Variants in SGCD observed in about 807,000 individuals in gnomAD.
SGCD encodes the protein sarcoglycan delta.
In SGCD, 18 loss-of-function variants were observed where a neutral mutation model predicts 36.6. The observed-to-expected ratio is 0.49, with a 90% CI of 0.34 to 0.73. The LOEUF (loss-of-function observed/expected upper bound fraction) is 0.73. SGCD is among the 30% of genes least tolerant of loss of function. The probability of loss-of-function intolerance (pLI) is 0.01; values close to 1 mark genes in which losing one functional copy is unlikely to be tolerated. For synonymous variants in SGCD, 133 were observed against 130.6 expected, an observed-to-expected ratio of 1.02 and a Z score of -0.12; for missense variants, 387 against 346.7, an observed-to-expected ratio of 1.12 and a Z score of -0.92.
chr5:156,685,776 G>C (rs967447049), intron 7 of SGCD, among the ~76,000 whole-genome samples: 3 of 152,192 alleles, frequency 2.0e-5, no homozygotes, highest in Non-Finnish European at 4.4e-5. Context: ...GTGAAGTCAA[G>C]CTGGGCTGAT....
intron 4 of SGCD, among the ~76,000 whole-genome samples, chr5:156,561,777 T>G (rs368600021): frequency 6.6e-6 from 1 of 152,200 alleles, no homozygotes; most frequent in South Asian, 2.1e-4. Context: ...TGTTTTAATG[T>G]GGTCTTATGG....
intron 3 of SGCD, among the ~76,000 whole-genome samples, chr5:156,230,186 G>T: frequency 6.6e-6 from 1 of 152,112 alleles, no homozygotes; most frequent in Non-Finnish European, 1.5e-5. Flanking sequence ...GAGTAAATCA[G>T]GGGTTTCTTC....
At chr5:156,340,845 C>T (rs1768612874) in intron 2 of SGCD, among the ~76,000 whole-genome samples, 1 of 152,188 alleles carries the variant, frequency 6.6e-6, no homozygotes, top group African/African-American at 2.4e-5. Flanking sequence ...TATCTTTCAA[C>T]ATGTTTTAAT....
chr5:155,771,588 A>ATTTTTT, the SGCD span, among the ~76,000 whole-genome samples: 1 of 150,206 alleles, frequency 6.7e-6, no homozygotes, highest in African/African-American at 2.4e-5. Flanking sequence ...GCCCGGCTAA[A>ATTTTTT]TTTTTTTTTT....
At chr5:155,928,622 C>T (rs764061508) in intron 1 of SGCD, among the ~76,000 whole-genome samples, 1 of 140,642 alleles carries the variant, frequency 7.1e-6, no homozygotes, top group Non-Finnish European at 1.5e-5. Context: ...GAGCCGAGAT[C>T]GCACCACTGC....
At chr5:156,076,896 T>G (rs1276776008) in intron 1 of SGCD, among the ~76,000 whole-genome samples, 1 of 152,194 alleles carries the variant, frequency 6.6e-6, no homozygotes, top group Non-Finnish European at 1.5e-5. Flanking sequence ...GAGAAACCAG[T>G]GAATAAAATT....
chr5:156,757,244 C>T (rs538086260), intron 7 of SGCD, among the ~76,000 whole-genome samples: 7 of 102,804 alleles, frequency 6.8e-5, no homozygotes, highest in South Asian at 3.6e-4. Flanking sequence ...GGTTTAGATC[C>T]GGGATTGACT....
chr5:156,347,685 T>C (rs1769021067), intron 3 of SGCD, among the ~76,000 whole-genome samples: 1 of 152,184 alleles, frequency 6.6e-6, no homozygotes, highest in Non-Finnish European at 1.5e-5. Context: ...ATTTAATTTG[T>C]AGAACCTGTA....
intron 1 of SGCD, among the ~76,000 whole-genome samples, chr5:156,032,796 A>G (rs1004794490): frequency 1.3e-5 from 2 of 148,900 alleles, no homozygotes; most frequent in Admixed American, 6.8e-5. Flanking sequence ...GGGGCGTGGC[A>G]CAGTGACTCA....
At chr5:156,398,351 A>G (rs1321883747) in intron 3 of SGCD, among the ~76,000 whole-genome samples, 2 of 152,222 alleles carry the variant, frequency 1.3e-5, no homozygotes, top group Non-Finnish European at 2.9e-5. Flanking sequence ...GAATCTATTT[A>G]GAATCAGAAA....
chr5:155,949,035 TG>T (rs933199415), intron 1 of SGCD, among the ~76,000 whole-genome samples: 5 of 152,214 alleles, frequency 3.3e-5, no homozygotes, highest in Admixed American at 3.3e-4. Context: ...ACCACAGGAC[TG>T]GGCACATGTC....
At chr5:156,173,735 A>G (rs944745954) in intron 3 of SGCD, among the ~76,000 whole-genome samples, 1 of 152,074 alleles carries the variant, frequency 6.6e-6, no homozygotes, top group Non-Finnish European at 1.5e-5. Flanking sequence ...AAATATCTAA[A>G]TATGTTTTCT....
At chr5:156,170,877 C>A (rs1763329453) in intron 3 of SGCD, among the ~76,000 whole-genome samples, 1 of 152,178 alleles carries the variant, frequency 6.6e-6, no homozygotes, top group African/African-American at 2.4e-5. Context: ...GTTCTCCGCA[C>A]ATGACTTCTT....
intron 3 of SGCD, among the ~76,000 whole-genome samples, chr5:156,294,141 A>C (rs534853726): frequency 6.6e-6 from 1 of 152,200 alleles, no homozygotes; most frequent in African/African-American, 2.4e-5. Context: ...TGAATTGCTC[A>C]TTTAAGTGCA....
intron 1 of SGCD, among the ~76,000 whole-genome samples, chr5:156,076,868 G>A (rs1760799621): frequency 6.6e-6 from 1 of 152,110 alleles, no homozygotes; most frequent in South Asian, 2.1e-4. Flanking sequence ...TTCTGTATAA[G>A]GCGTCAATGA....
chr5:156,283,401 G>T (rs971732931), intron 3 of SGCD, among the ~76,000 whole-genome samples: 6 of 152,026 alleles, frequency 3.9e-5, no homozygotes, highest in Admixed American at 2.6e-4. Context: ...TATTTCTGCT[G>T]GTCTCCTTTA....
rs576860950 is a variant in SGCD, at chr5:156,606,562, GT to G, written c.502+11518del. Among the ~76,000 whole-genome samples, 8 of 152,160 alleles carry G rather than the reference GT, an allele frequency of 5.3e-5. No homozygotes were observed. The East Asian group carries it at 7.7e-4, about 15-fold the overall frequency. Reference sequence around the variant, plus strand: ...TTGGTTCCATATGAACTTTAAAGTAGTTTTTTTCCAATTCTGTGAAGAAAGT... The same window carrying G: ...TTGGTTCCATATGAACTTTAAAGTAGTTTTTTCCAATTCTGTGAAGAAAGT... On this transcript the variant is annotated intron_variant, in intron 6 of 8. Transcript: ENST00000337851.
chr5:156,329,021 C>T (rs1767945100), intron 1 of SGCD, among the ~76,000 whole-genome samples: 1 of 152,168 alleles, frequency 6.6e-6, no homozygotes, highest in South Asian at 2.1e-4. Flanking sequence ...GAAATAGCAA[C>T]TCCAGGTTGC....
intron 3 of SGCD, among the ~76,000 whole-genome samples, chr5:156,267,380 C>T (rs1452276615): frequency 1.3e-5 from 2 of 152,052 alleles, no homozygotes; most frequent in African/African-American, 2.4e-5. Context: ...TCAGTTCCAC[C>T]CTAATTATCC....
Sources: gnomAD v4.1 joint callset for allele counts (sites outside exome capture counted in the v4.1 genomes callset) on GRCh38, gnomAD v4.1.1 for gene constraint, MANE v1.5 for transcripts, NCBI Gene and HGNC (gene_info 2026-07-23, HGNC 2026-07-21) for gene names.